Variants in SGCD observed in about 807,000 individuals in gnomAD.
SGCD encodes sarcoglycan delta, also known as delta-sarcoglycan.
A neutral mutation model predicts 36.6 loss-of-function variants in SGCD; 18 were observed. The ratio of observed to expected loss-of-function variants is 0.49; its 90% CI spans 0.34 to 0.73. The LOEUF is 0.73. Ranked by LOEUF, SGCD falls within the 30% of genes least tolerant of loss-of-function variation. The probability of loss-of-function intolerance (pLI) is 0.01; values close to 1 mark genes in which losing one functional copy is unlikely to be tolerated. For missense variants in SGCD, 387 were observed against 346.7 expected (o/e 1.12, Z -0.92); for synonymous variants, 133 against 130.6 (o/e 1.02, Z -0.12).
chr5:155,811,282 G>GCAA, the SGCD span, among the ~76,000 whole-genome samples: 76 of 151,894 alleles, frequency 5.0e-4, no homozygotes, highest in East Asian at 8.4e-3. Context: ...ATTCCACAGA[G>GCAA]CAACAACAAC....
chr5:156,535,565 A>C (rs2113122247), intron 4 of SGCD, among the ~76,000 whole-genome samples: 1 of 152,280 alleles, frequency 6.6e-6, no homozygotes, highest in Non-Finnish European at 1.5e-5. Context: ...GTTCTTTATC[A>C]GTTAGGGGAT....
intron 7 of SGCD, among the ~76,000 whole-genome samples, chr5:156,735,533 T>G (rs1191166289): frequency 6.6e-6 from 1 of 152,156 alleles, no homozygotes; most frequent in Non-Finnish European, 1.5e-5. Context: ...GCTATGTTTT[T>G]GTAGAGCAGC....
the SGCD span, among the ~76,000 whole-genome samples, chr5:155,789,376 C>T: frequency 6.6e-6 from 1 of 152,016 alleles, no homozygotes; most frequent in Admixed American, 6.6e-5. Context: ...TCTCTCACAT[C>T]CAGATAGCAT....
chr5:156,444,811 A>G (rs553714896), intron 3 of SGCD, among the ~76,000 whole-genome samples: 1 of 152,200 alleles, frequency 6.6e-6, no homozygotes, highest in Non-Finnish European at 1.5e-5. Context: ...GCTTAAAAAA[A>G]TGTTAGAGAA....
the SGCD span, among the ~76,000 whole-genome samples, chr5:155,830,404 A>G: frequency 0.013 from 2,018 of 152,280 alleles, 57 homozygotes; most frequent in African/African-American, 0.045. Flanking sequence ...TTATGACCTC[A>G]TGTAACCTTA....
intron 1 of SGCD, among the ~76,000 whole-genome samples, chr5:155,963,495 A>G (rs186731225): frequency 6.6e-6 from 1 of 152,244 alleles, no homozygotes; most frequent in African/African-American, 2.4e-5. Context: ...AAATCGATCT[A>G]GAACAATAAC....
chr5:155,967,500 G>T (rs1180154580), intron 1 of SGCD, among the ~76,000 whole-genome samples: 1 of 152,038 alleles, frequency 6.6e-6, no homozygotes, highest in Non-Finnish European at 1.5e-5. Context: ...AGCAGTCAGA[G>T]GTTGTTTAAG....
chr5:156,513,603 C>T (rs1757033812), intron 4 of SGCD, among the ~76,000 whole-genome samples: 1 of 152,180 alleles, frequency 6.6e-6, no homozygotes, highest in Non-Finnish European at 1.5e-5. Flanking sequence ...TGAAGCAACA[C>T]TTGACTTCCT....
intron 4 of SGCD, among the ~76,000 whole-genome samples, chr5:156,582,497 T>A (rs1760312861): frequency 6.6e-6 from 1 of 152,186 alleles, no homozygotes; most frequent in Admixed American, 6.5e-5. Flanking sequence ...ACATCTGCAC[T>A]CCCACAGAGC....
At chr5:156,411,667 A>G (rs1405727155) in intron 3 of SGCD, among the ~76,000 whole-genome samples, 1 of 152,212 alleles carries the variant, frequency 6.6e-6, no homozygotes, top group Non-Finnish European at 1.5e-5. Context: ...ACAGTATGAA[A>G]AGACACTAGC....
intron 7 of SGCD, among the ~76,000 whole-genome samples, chr5:156,686,544 C>G (rs1195329498): frequency 6.6e-6 from 1 of 152,300 alleles, no homozygotes; most frequent in East Asian, 1.9e-4. Context: ...CACCATGGGT[C>G]CCAGCTGTCT....
Position 156,762,194 on chromosome 5 carries a change from C to T in SGCD, c.*2804C>T, listed in dbSNP as rs564911199. On this transcript the variant is annotated 3_prime_UTR_variant, in exon 9 of 9. Coordinates refer to ENST00000337851, the MANE Select transcript of SGCD (RefSeq NM_000337.6). ...TTCTAATCTTTATATATGACATTTTCTAGACAATCGCACCTTTGGGTATAT... is the reference window on the plus strand; with the variant it reads ...TTCTAATCTTTATATATGACATTTTTTAGACAATCGCACCTTTGGGTATAT... 1.3e-5 allele frequency: 2 copies of T among 152,548 alleles called. No homozygotes were observed. Among genetic ancestry groups the T allele is most frequent in the South Asian group, 4.2e-4 (2 of 4,806 alleles). 9.4% of individuals were successfully genotyped at this position (152,548 alleles called of 1,614,324 possible). A position where few individuals can be genotyped will look rare whatever the true frequency, so the allele number is the denominator to read the frequency against.
intron 3 of SGCD, among the ~76,000 whole-genome samples, chr5:156,148,730 G>A (rs184838219): frequency 7.9e-5 from 12 of 152,166 alleles, no homozygotes; most frequent in African/African-American, 2.6e-4. Context: ...AAATTACAAG[G>A]TTTTTTCTAG....
At chr5:156,277,604 G>A (rs1036232358) in intron 3 of SGCD, among the ~76,000 whole-genome samples, 1 of 152,288 alleles carries the variant, frequency 6.6e-6, no homozygotes, top group Admixed American at 6.5e-5. Flanking sequence ...TCTTCAGAGA[G>A]GTGGGAAAGA....
chr5:155,887,086 G>A (rs936000493), intron 1 of SGCD, among the ~76,000 whole-genome samples: 2 of 152,138 alleles, frequency 1.3e-5, no homozygotes, highest in East Asian at 1.9e-4. Flanking sequence ...GACTCTGACC[G>A]TGTATCTCAT....
chr5:156,122,542 C>T (rs1762066642), intron 2 of SGCD, among the ~76,000 whole-genome samples: 1 of 151,680 alleles, frequency 6.6e-6, no homozygotes, highest in Non-Finnish European at 1.5e-5. Context: ...TTCAAAGGCT[C>T]CTAATAGAAT....
At chr5:155,731,963 G>A in the SGCD span, among the ~76,000 whole-genome samples, 1 of 152,140 alleles carries the variant, frequency 6.6e-6, no homozygotes, top group Non-Finnish European at 1.5e-5. Context: ...TCTCTCTTAT[G>A]CTATTCTCTC....
intron 4 of SGCD, among the ~76,000 whole-genome samples, chr5:156,560,817 T>C (rs1159979314): frequency 6.6e-6 from 1 of 152,206 alleles, no homozygotes; most frequent in East Asian, 1.9e-4. Context: ...GTGTTTTTTT[T>C]GGATCAAATT....
chr5:155,905,733 T>C (rs191634521), intron 1 of SGCD, among the ~76,000 whole-genome samples: 3 of 152,246 alleles, frequency 2.0e-5, no homozygotes, highest in Admixed American at 2.0e-4. Flanking sequence ...ATTCTCGTGA[T>C]AGTTAATAAG....
Sources: allele counts gnomAD v4.1 joint callset (sites outside exome capture counted in the v4.1 genomes callset), GRCh38; gene constraint gnomAD v4.1.1; transcripts MANE v1.5; gene names NCBI Gene and HGNC (gene_info 2026-07-23, HGNC 2026-07-21).